Variants in TNKS1BP1 observed in about 807,000 individuals in gnomAD.
TNKS1BP1 encodes 182 kDa tankyrase-1-binding protein.
TNKS1BP1 carries 48 observed loss-of-function variants against 141.1 expected under a neutral mutation model. The ratio of observed to expected loss-of-function variants is 0.34; its 90% CI spans 0.27 to 0.43. TNKS1BP1 has a LOEUF of 0.43. Among genes scored for constraint, TNKS1BP1 ranks in the 20% least tolerant of loss-of-function variants. The pLI is 1.00. For synonymous variants in TNKS1BP1, 875 were observed against 898.2 expected (o/e 0.97, Z 0.46); for missense variants, 2,149 against 2,226.0 (o/e 0.97, Z 0.70).
chr11:57,320,774 G>A (rs1855873946), intron 2 of TNKS1BP1, 62 bp from the exon 3 acceptor site: 1 of 1,481,148 alleles, frequency 6.8e-7, no homozygotes, highest in Admixed American at 2.4e-5. Flanking sequence ...GAACTTCTTT[G>A]TTTCCTGTTC....
chr11:57,309,187 C>G lies in TNKS1BP1; in HGVS notation c.3524G>C (p.Cys1175Ser), dbSNP rs762312096. Residue 1175 changes from cysteine to serine, a missense_variant, in exon 6 of 12, where the codon TGT (cysteine) becomes TCT (serine). Cys to Ser is a moderately radical substitution (Grantham distance 112, BLOSUM62 -1). Transcript: ENST00000358252. The surrounding 1 kb of genome is among the most constrained non-coding windows in gnomAD (Gnocchi z 4.3). ...LGLRNLEVSS[C>S]VGSGGSSEAR... ...CTCGCTCGAGCCCCCAGAACCCACA[C>G]AGCTGGACACTTCCAAGTTCCTGAG... 6.2e-7 allele frequency: 1 copy of G among 1,614,098 alleles called. No homozygotes were observed. Among genetic ancestry groups the G allele is most frequent in the Non-Finnish European group, 8.5e-7 (1 of 1,180,040 alleles).
At chr11:57,306,067 C>A (rs1328625614) in intron 6 of TNKS1BP1, among the ~76,000 whole-genome samples, 1 of 152,018 alleles carries the variant, frequency 6.6e-6, no homozygotes, top group African/African-American at 2.4e-5. Flanking sequence ...TGAGGTCTGT[C>A]TGGAGTTCAA....
chr11:57,300,460 T>A, intron 11 of TNKS1BP1, 68 bp downstream of exon 11: 6 of 1,450,320 alleles, frequency 4.1e-6, no homozygotes, highest in Non-Finnish European at 5.8e-6. Flanking sequence ...AGAAGGGGCA[T>A]GAGGCCTCCG....
At chr11:57,308,183 G>T (rs1855641707) in intron 6 of TNKS1BP1, among the ~76,000 whole-genome samples, 1 of 152,154 alleles carries the variant, frequency 6.6e-6, no homozygotes, top group Admixed American at 6.5e-5. Context: ...TAACACATTA[G>T]TCATCCTTCA....
Position 57,310,240 on chromosome 11 carries a change from A to T in TNKS1BP1, c.2471T>A (p.Val824Glu), listed in dbSNP as rs1314501873. Reference protein sequence around the residue: ...APGVLTAQDRVVGKPAQLGTQ... With the variant: ...APGVLTAQDREVGKPAQLGTQ... ...GCCAAGCTGGGCTGGCTTTCCAACT[A>T]CCCGGTCCTGGGCTGTGAGCACCCC... is the stretch of plus-strand genomic sequence containing the variant. Residue 824 changes from valine to glutamate, a missense_variant, in exon 6 of 12, where the codon GTA becomes GAA. By Grantham distance (121) the Val-to-Glu change is moderately radical. Transcript: ENST00000358252. 1 of 1,613,506 alleles carries T rather than the reference A, an allele frequency of 6.2e-7. No individual in the cohort carries two copies. The highest frequency in any genetic ancestry group is 8.5e-7 in the Non-Finnish European group (1 of 1,179,932).
Position 57,308,954 on chromosome 11 carries a change from T to C in TNKS1BP1, c.3757A>G (p.Ser1253Gly). Residue 1253 changes from serine to glycine, a missense_variant, in exon 6 of 12, where the codon AGT becomes GGT. Coordinates refer to ENST00000358252, the MANE Select transcript of TNKS1BP1 (RefSeq NM_033396.3). ...EGGGHSQARE[S>G]GVGQTDWSGV... ...GACCAGTCAGTCTGCCCCACGCCACTCTCTCTGGCCTGGCTGTGGCCTCCT... is the reference window on the plus strand; with the variant it reads ...GACCAGTCAGTCTGCCCCACGCCACCCTCTCTGGCCTGGCTGTGGCCTCCT... The C allele has an allele frequency of 2.5e-6, 4 of 1,614,030 alleles. No homozygotes were observed. The highest frequency in any genetic ancestry group is 3.4e-6 in the Non-Finnish European group (4 of 1,179,978).
intron 3 of TNKS1BP1, among the ~76,000 whole-genome samples, chr11:57,318,797 A>G (rs1451608709): frequency 1.3e-5 from 2 of 152,200 alleles, no homozygotes; most frequent in Non-Finnish European, 2.9e-5. Flanking sequence ...TCATATGCAA[A>G]TATCTCCAAC....
At chr11:57,306,088 G>T (rs972935418) in intron 6 of TNKS1BP1, among the ~76,000 whole-genome samples, 2 of 152,084 alleles carry the variant, frequency 1.3e-5, no homozygotes, top group Admixed American at 6.5e-5. Context: ...GACCAGCCTG[G>T]CCAACATGGT....
chr11:57,312,741 C>A lies in TNKS1BP1; in HGVS notation c.1947G>T (p.Glu649Asp). 6.3e-7 allele frequency: 1 copy of A among 1,588,510 alleles called. No homozygotes were observed. Among genetic ancestry groups the A allele is most frequent in the African/African-American group, 1.3e-5 (1 of 74,364 alleles). The change falls in exon 5 of 12, where the codon GAG becomes GAT. Residue 649 changes from glutamate (E) to aspartate (D), a missense_variant. Physicochemically the swap from Glu to Asp is conservative, Grantham distance 45. Coordinates refer to ENST00000358252, the MANE Select transcript of TNKS1BP1 (RefSeq NM_033396.3). ...TCTCAGCCCGGGCTAGGGTCACGGC[C>A]TCCTCCTCAACAGGCAGTGCCTGTC... ...EPGQALPVEEEAVTLARAETT... is the reference protein window; with the variant it reads ...EPGQALPVEEDAVTLARAETT...
intron 4 of TNKS1BP1, among the ~76,000 whole-genome samples, chr11:57,316,994 C>T (rs1855809358): frequency 6.6e-6 from 1 of 152,248 alleles, no homozygotes; most frequent in East Asian, 1.9e-4. Context: ...GGCAGACATC[C>T]TGGCCTCCTT....
At chr11:57,324,751 G>A in intron 1 of TNKS1BP1, 89 bp downstream of exon 1, 1 of 977,658 alleles carries the variant, frequency 1.0e-6, no homozygotes, top group Middle Eastern at 5.3e-4. Flanking sequence ...CGAGGTGTCG[G>A]CTGGAAAGCA....
chr11:57,302,629 G>C lies in TNKS1BP1; in HGVS notation c.4513C>G (p.Pro1505Ala). Residue 1505 changes from proline (P) to alanine (A), a missense_variant, in exon 7 of 12, where the codon CCC (proline) becomes GCC (alanine). Physicochemically the swap from Pro to Ala is conservative, Grantham distance 27 (BLOSUM62 -1). Transcript: ENST00000358252. The surrounding 1 kb of genome is among the most constrained non-coding windows in gnomAD (Gnocchi z 5.5). ...CCATCAGGCTGCGGCCTCCAGGAGG[G>C]TGGAGAGTCCCTGCCAGGCTCCAGC... is the stretch of plus-strand genomic sequence containing the variant. Reference protein sequence around the residue: ...EVLEPGRDSPPSWRPQPDGEA... With the variant: ...EVLEPGRDSPASWRPQPDGEA... The C allele has an allele frequency of 6.2e-7, 1 of 1,611,782 alleles. No homozygotes were observed. Among genetic ancestry groups the C allele is most frequent in the South Asian group, 1.1e-5 (1 of 90,828 alleles).
intron 4 of TNKS1BP1, among the ~76,000 whole-genome samples, chr11:57,315,857 C>T (rs1332657366): frequency 1.3e-5 from 2 of 150,866 alleles, no homozygotes; most frequent in African/African-American, 4.9e-5. Flanking sequence ...TGAGGTCAAT[C>T]CCTCCTCTCT....
At position 57,302,782 on chromosome 11, in the gene TNKS1BP1, C is replaced by T. The variant is rs762500818; in HGVS notation, c.4360G>A (p.Gly1454Ser). The change falls in exon 7 of 12, where the codon GGC (glycine) becomes AGC (serine). Residue 1454 changes from glycine (G) to serine (S), a missense_variant. Transcript: ENST00000358252. The surrounding 1 kb of genome is among the most constrained non-coding windows in gnomAD (Gnocchi z 5.5). ...GCTGCCAGCATCTCCTCCAGCAGGC[C>T]CTGGGAGCCGGAGGGTGGGGGGCGG... ...PARPPPSGSQ[G>S]LLEEMLAASS... 1 of 1,557,706 alleles carries T rather than the reference C, an allele frequency of 6.4e-7. No individual in the cohort carries two copies. The highest frequency in any genetic ancestry group is 2.3e-5 in the East Asian group (1 of 43,426).
In TNKS1BP1 at chr11:57,320,687, G is replaced by A. The variant is rs1048472983; in HGVS notation, c.120C>T (p.Val40=). ...EPGDTRAKPP[V]KPKPRALPAK... is the part of the protein sequence containing the mutation. ...CAGGCAGGGCCCGGGGTTTGGGCTT[G>A]ACAGGGGGTTTGGCCCGAGTGTCAC... The change falls in exon 3 of 12, where the codon GTC becomes GTT. Residue 40 remains valine, a synonymous_variant. Transcript: ENST00000358252. 7 of 1,603,102 alleles carry A rather than the reference G, an allele frequency of 4.4e-6. No homozygotes were observed. Among genetic ancestry groups the A allele is most frequent in the East Asian group, 4.5e-5 (2 of 44,676 alleles).
intron 4 of TNKS1BP1, among the ~76,000 whole-genome samples, chr11:57,316,322 A>G (rs1447013278): frequency 6.6e-6 from 1 of 151,418 alleles, no homozygotes; most frequent in Non-Finnish European, 1.5e-5. Context: ...CACCATCCCC[A>G]CTCTCAGTAA....
chr11:57,322,658 A>G (rs983964754), intron 1 of TNKS1BP1, among the ~76,000 whole-genome samples: 1 of 152,178 alleles, frequency 6.6e-6, no homozygotes, highest in Non-Finnish European at 1.5e-5. Flanking sequence ...TGCCATAGCA[A>G]TGGCCTCCCA....
At chr11:57,306,043 G>A (rs1045232699) in intron 6 of TNKS1BP1, among the ~76,000 whole-genome samples, 1 of 151,970 alleles carries the variant, frequency 6.6e-6, no homozygotes, top group African/African-American at 2.4e-5. Flanking sequence ...GGAGGCCGAG[G>A]TGGGTGGATC....
In TNKS1BP1 at chr11:57,322,232, C is replaced by G. The variant is rs1855899654; in HGVS notation, c.-65-282G>C. Reference sequence around the variant, plus strand: ...CTGACAAGCTCTCCAAGACACCCCACTTACAGTCCCCACAGTGCCCCTTGG... The same window carrying G: ...CTGACAAGCTCTCCAAGACACCCCAGTTACAGTCCCCACAGTGCCCCTTGG... On this transcript the variant is annotated intron_variant, in intron 1 of 11. Coordinates refer to ENST00000358252, the MANE Select transcript of TNKS1BP1 (RefSeq NM_033396.3). 3 of 1,094,738 alleles carry G rather than the reference C, an allele frequency of 2.7e-6. No homozygotes were observed. In the Admixed American group the frequency reaches 1.4e-4, roughly 52 times the overall value. 67.8% of individuals were successfully genotyped at this position (1,094,738 alleles called of 1,614,324 possible).
Sources: allele counts gnomAD v4.1 joint callset (sites outside exome capture counted in the v4.1 genomes callset), GRCh38; gene constraint gnomAD v4.1.1; non-coding constraint Gnocchi (gnomAD v3.1); transcripts MANE v1.5; gene names NCBI Gene and HGNC (gene_info 2026-07-23, HGNC 2026-07-21).